TNIK: variants seen among roughly 807,000 people sequenced by gnomAD.
TNIK encodes the protein TRAF2 and NCK interacting kinase.
A neutral mutation model predicts 191.3 loss-of-function variants in TNIK; 49 were observed. That is an observed-to-expected ratio of 0.26 (90% confidence interval 0.20 to 0.32). TNIK has a LOEUF of 0.32. Among genes scored for constraint, TNIK ranks in the 10% least tolerant of loss-of-function variants. The pLI is 1.00. For missense variants in TNIK, 1,155 were observed against 1,702.3 expected (o/e 0.68, Z 5.66); for synonymous variants, 594 against 600.9 (o/e 0.99, Z 0.17).
At chr3:171,112,039 T>C (rs1576850546) in intron 18 of TNIK, among the ~76,000 whole-genome samples, 1 of 152,118 alleles carries the variant, frequency 6.6e-6, no homozygotes. Flanking sequence ...TACTTGAAAA[T>C]TGCGAAGATA....
chr3:171,336,189 G>C (rs868549272), intron 2 of TNIK, among the ~76,000 whole-genome samples: 4 of 151,942 alleles, frequency 2.6e-5, no homozygotes, highest in South Asian at 2.1e-4. Context: ...CTAACAAAAT[G>C]GGTTTTTGTT....
chr3:171,336,288 C>G (rs1291680448), intron 2 of TNIK, among the ~76,000 whole-genome samples: 1 of 152,324 alleles, frequency 6.6e-6, no homozygotes, highest in Non-Finnish European at 1.5e-5. Flanking sequence ...TAACTTAAGG[C>G]CTTTTGTTCC....
chr3:171,175,265 T>G lies in TNIK; in HGVS notation c.760A>C (p.Lys254Gln). 1 of 1,612,752 alleles carries G rather than the reference T, an allele frequency of 6.2e-7. No homozygotes were observed. The highest frequency in any genetic ancestry group is 8.5e-7 in the Non-Finnish European group (1 of 1,179,500). Residue 254 changes from lysine to glutamine, a missense_variant, in exon 9 of 33, where the codon AAG becomes CAG. Lys to Gln is a moderately conservative substitution (Grantham distance 53, BLOSUM62 1). Around this residue, in one of 3 missense-constraint regions of TNIK, gnomAD observed 225 missense variants for 438.9 expected, o/e 0.51. Coordinates refer to ENST00000436636, the MANE Select transcript of TNIK (RefSeq NM_015028.4). The stretch of plus-strand genomic sequence containing the variant: ...GACCAAACTCACCACTTCTTAGACT[T>G]CAGCCGAGGCGCTGGGTTCCGGGGG... ...LIPRNPAPRLKSKKWSKKFQS... is the reference protein window; with the variant it reads ...LIPRNPAPRLQSKKWSKKFQS...
intron 2 of TNIK, among the ~76,000 whole-genome samples, chr3:171,351,934 G>GA (rs373151816): frequency 2.6e-5 from 4 of 152,286 alleles, no homozygotes; most frequent in African/African-American, 9.6e-5. Flanking sequence ...TTATGCCAAG[G>GA]AAAGGCATTC....
At chr3:171,080,786 G>A (rs958220822) in intron 27 of TNIK, among the ~76,000 whole-genome samples, 1 of 152,168 alleles carries the variant, frequency 6.6e-6, no homozygotes, top group African/African-American at 2.4e-5. Context: ...TGACAGGAGA[G>A]CACATTCATC....
intron 2 of TNIK, among the ~76,000 whole-genome samples, chr3:171,288,637 T>C (rs1751324106): frequency 6.6e-6 from 1 of 152,012 alleles, no homozygotes; most frequent in Admixed American, 6.6e-5. Flanking sequence ...TAAAACCCCG[T>C]CTCTACTAAA....
intron 4 of TNIK, among the ~76,000 whole-genome samples, chr3:171,203,977 G>A (rs901139472): frequency 1.3e-5 from 2 of 152,172 alleles, no homozygotes; most frequent in African/African-American, 4.8e-5. Context: ...TTCTAGCCCT[G>A]TATTATGGTG....
At chr3:171,313,296 T>C (rs1754257084) in intron 2 of TNIK, among the ~76,000 whole-genome samples, 1 of 152,022 alleles carries the variant, frequency 6.6e-6, no homozygotes, top group Admixed American at 6.6e-5. Flanking sequence ...GGGTTACACA[T>C]ACCTAGAATC....
At chr3:171,172,023 G>A (rs1735352355) in intron 9 of TNIK, among the ~76,000 whole-genome samples, 1 of 151,476 alleles carries the variant, frequency 6.6e-6, no homozygotes, top group Admixed American at 6.6e-5. Flanking sequence ...CATACCAATA[G>A]GGAAGGAAGA....
intron 21 of TNIK, chr3:171,102,131 G>T (rs957042129): frequency 6.6e-6 from 1 of 152,288 alleles, no homozygotes; most frequent in African/African-American, 2.4e-5. Context: ...AGCTACTACA[G>T]TGACTCATTT....
At chr3:171,361,646 T>C (rs1207489834) in intron 2 of TNIK, among the ~76,000 whole-genome samples, 1 of 152,084 alleles carries the variant, frequency 6.6e-6, no homozygotes, top group Non-Finnish European at 1.5e-5. Context: ...AACTACACTT[T>C]AAGAACAGAT....
rs182390411 is a variant in TNIK, at chr3:171,153,449, T to A, written c.1221+4011A>T. Among the ~76,000 whole-genome samples the A allele has an allele frequency of 2.0e-5, 3 of 152,302 alleles. No individual in the cohort carries two copies. In the East Asian group the frequency reaches 5.8e-4, roughly 29 times the overall value. On this transcript the variant is annotated intron_variant, in intron 12 of 32. Transcript: ENST00000436636. ...TATTACTGTTGGCTGCTCTTCCTCA[T>A]CCCTGATGTCTAATCAACTTGCACA...
intron 2 of TNIK, among the ~76,000 whole-genome samples, chr3:171,341,555 C>CTTTTTGT (rs1282558027): frequency 7.5e-6 from 1 of 133,224 alleles, no homozygotes; most frequent in Non-Finnish European, 1.6e-5. Flanking sequence ...TTCATCTCAG[C>CTTTTTGT]TTTTTGTTTT....
intron 2 of TNIK, among the ~76,000 whole-genome samples, chr3:171,354,765 A>G (rs1413434665): frequency 6.6e-6 from 1 of 152,320 alleles, no homozygotes; most frequent in East Asian, 1.9e-4. Context: ...ACTTTTAGCT[A>G]TTCACAAATA....
chr3:171,277,382 T>G lies in TNIK; in HGVS notation c.124-49161A>C, dbSNP rs138745620. ...CAATAAAAGCCTATTTCATTGAGAT[T>G]TGAAGATAACATTCAGAATAGCTAA... On this transcript the variant is annotated intron_variant, in intron 2 of 32. Coordinates refer to ENST00000436636, the MANE Select transcript of TNIK (RefSeq NM_015028.4). Among the ~76,000 whole-genome samples, 50 of 152,316 alleles carry G rather than the reference T, an allele frequency of 3.3e-4. No homozygotes were observed. The East Asian group carries it at 9.4e-3, about 29-fold the overall frequency.
chr3:171,181,414 A>G (rs1736632934), intron 7 of TNIK, among the ~76,000 whole-genome samples: 1 of 152,178 alleles, frequency 6.6e-6, no homozygotes, highest in Non-Finnish European at 1.5e-5. Flanking sequence ...TGTGGCAGAA[A>G]TTGTTTATTG....
At chr3:171,200,612 C>A (rs1452994481) in intron 4 of TNIK, among the ~76,000 whole-genome samples, 3 of 152,184 alleles carry the variant, frequency 2.0e-5, no homozygotes, top group Admixed American at 2.0e-4. Flanking sequence ...TCAGCCTCAG[C>A]TGATTCCAGA....
chr3:171,128,924 A>G (rs1179845642), intron 15 of TNIK, 46 bp from the exon 16 acceptor site: 2 of 1,483,884 alleles, frequency 1.3e-6, no homozygotes, highest in African/African-American at 2.9e-5. Flanking sequence ...CTCAATGTAT[A>G]GAAGTAGATC....
intron 2 of TNIK, among the ~76,000 whole-genome samples, chr3:171,232,885 A>C (rs1413304061): frequency 6.6e-6 from 1 of 152,234 alleles, no homozygotes; most frequent in Non-Finnish European, 1.5e-5. Flanking sequence ...ACTCCTCCCT[A>C]AAATGAATGC....
Sources: allele counts gnomAD v4.1 joint callset (sites outside exome capture counted in the v4.1 genomes callset), GRCh38; gene constraint gnomAD v4.1.1; regional missense constraint gnomAD v4.1.1; transcripts MANE v1.5; gene names NCBI Gene and HGNC (gene_info 2026-07-23, HGNC 2026-07-21).